SLC4A5: variants seen among roughly 807,000 people sequenced by gnomAD.
The protein encoded by SLC4A5 is solute carrier family 4 member 5.
In SLC4A5, 96 loss-of-function variants were observed where a neutral mutation model predicts 120.4. The observed-to-expected ratio is 0.80, with a 90% confidence interval of 0.68 to 0.94. The LOEUF is 0.94. Among genes scored for constraint, SLC4A5 ranks in the 40% least tolerant of loss-of-function variants. SLC4A5 has a pLI of 0.00. For missense variants in SLC4A5, 1,259 were observed against 1,459.5 expected, an observed-to-expected ratio of 0.86 and a Z score of 2.24; for synonymous variants, 550 against 571.1, an observed-to-expected ratio of 0.96 and a Z score of 0.53.
At chr2:74,303,854 T>A (rs10176141) in intron 7 of SLC4A5, among the ~76,000 whole-genome samples, 10,790 of 122,832 alleles carry the variant, frequency 0.088, 457 homozygotes, top group African/African-American at 0.15. Flanking sequence ...TATTATTATT[T>A]TTTTTTTTTT....
At chr2:74,239,832 C>T (rs914213886) in intron 20 of SLC4A5, among the ~76,000 whole-genome samples, 17 of 145,758 alleles carry the variant, frequency 1.2e-4, no homozygotes, top group Non-Finnish European at 1.5e-4. Context: ...GTCCTGTGGA[C>T]GCCTCCTTCC....
At chr2:74,262,159 C>A in exon 11 of SLC4A5, 1 of 1,613,892 alleles carries the variant, frequency 6.2e-7, no homozygotes, top group South Asian at 1.1e-5. Context: ...AATTTGCACT[C>A]TGCCGCATCC....
chr2:74,330,869 G>GGTGAGGGTGGT lies in SLC4A5; in HGVS notation c.-69-2684_-69-2683insACCACCCTCAC, dbSNP rs541588635. On this transcript the variant is annotated intron_variant, in intron 4 of 30. Transcript: ENST00000394019. Reference sequence around the variant, plus strand: ...GTGTAGGTGTAGGTGGTGAGGTATAGGAGGTGGTGAGGTCTAGATGTGGGT... The same window carrying GGTGAGGGTGGT: ...GTGTAGGTGTAGGTGGTGAGGTATAGGTGAGGGTGGTGAGGTGGTGAGGTCTAGATGTGGGT... 4.8e-5 allele frequency among the ~76,000 whole-genome samples: 2 copies of GGTGAGGGTGGT among 41,596 alleles called. 1 individual carries two copies. The allele number at this position is 41,596 out of a possible 152,430, so 27.3% of individuals were successfully genotyped here. A position where few individuals can be genotyped will look rare whatever the true frequency, so the allele number is the denominator to read the frequency against.
chr2:74,328,852 T>C (rs893319305), intron 4 of SLC4A5, among the ~76,000 whole-genome samples: 2 of 152,246 alleles, frequency 1.3e-5, no homozygotes, highest in African/African-American at 4.8e-5. Context: ...AGTCTGTACT[T>C]GTGGTCAATG....
chr2:74,226,935 G>C, intron 27 of SLC4A5, 22 bp downstream of exon 27: 1 of 1,606,840 alleles, frequency 6.2e-7, no homozygotes, highest in Non-Finnish European at 8.5e-7. Context: ...AGGCAGGAGG[G>C]GGAAGCCCGT....
intron 6 of SLC4A5, chr2:74,307,195 T>A (rs1672670262): frequency 5.5e-6 from 3 of 549,696 alleles, no homozygotes; most frequent in Admixed American, 4.7e-5. Flanking sequence ...CTCTCCTCCA[T>A]CTGCTGAGAG....
chr2:74,217,110 T>C (rs1313065191), exon 31 of SLC4A5: 4 of 152,238 alleles, frequency 2.6e-5, no homozygotes, highest in African/African-American at 9.6e-5. Context: ...GGCAATTACC[T>C]GTCCTATACT....
At chr2:74,252,371 A>T (rs766431224) in exon 16 of SLC4A5, 1 of 1,613,360 alleles carries the variant, frequency 6.2e-7, no homozygotes, top group African/African-American at 1.3e-5. Flanking sequence ...CAGCTCTGCT[A>T]GGGAGAACAC....
At chr2:74,250,418 T>G (rs528648007) in exon 17 of SLC4A5, 1 of 1,614,038 alleles carries the variant, frequency 6.2e-7, no homozygotes, top group Admixed American at 1.7e-5. Flanking sequence ...GGTAGATGAA[T>G]AGGATGGCAG....
intron 7 of SLC4A5, among the ~76,000 whole-genome samples, chr2:74,295,193 G>A (rs966165584): frequency 4.6e-5 from 7 of 151,928 alleles, no homozygotes; most frequent in Non-Finnish European, 7.4e-5. Flanking sequence ...AAGGAGATAC[G>A]AGGAGACTCA....
intron 17 of SLC4A5, among the ~76,000 whole-genome samples, chr2:74,249,300 G>A (rs1379477173): frequency 6.6e-6 from 1 of 152,166 alleles, no homozygotes; most frequent in Non-Finnish European, 1.5e-5. Flanking sequence ...AAGTAGATAA[G>A]TGGAAGCTGA....
At chr2:74,341,150 C>T (rs1673615560) in intron 2 of SLC4A5, among the ~76,000 whole-genome samples, 1 of 151,836 alleles carries the variant, frequency 6.6e-6, no homozygotes, top group Non-Finnish European at 1.5e-5. Context: ...ACTAAAAATA[C>T]AAAAATTAGT....
At chr2:74,243,325 G>A (rs1670506514) in intron 19 of SLC4A5, among the ~76,000 whole-genome samples, 2 of 152,212 alleles carry the variant, frequency 1.3e-5, no homozygotes, top group South Asian at 2.1e-4. Flanking sequence ...CCCATAGGAA[G>A]TCAGGCTTTG....
At chr2:74,254,959 A>G (rs372391214) in intron 13 of SLC4A5, among the ~76,000 whole-genome samples, 5 of 151,928 alleles carry the variant, frequency 3.3e-5, no homozygotes, top group East Asian at 3.9e-4. Flanking sequence ...AGCTGGGACT[A>G]CAGGCGTGTA....
intron 15 of SLC4A5, 151 bp downstream of exon 15, chr2:74,252,823 A>G: frequency 1.1e-6 from 1 of 922,066 alleles, no homozygotes; most frequent in Non-Finnish European, 1.6e-6. Context: ...CCTGGGCTCA[A>G]GTGATCCACC....
At position 74,255,781 on chromosome 2, in the gene SLC4A5, G is replaced by C; in HGVS notation, c.1019C>G (p.Pro340Arg). ...AGGTTTCAATGGCTCTCACCTGGTG[G>C]GGACAGGCACCTCGGTCACTCCTCC... The change falls in exon 13 of 31, where the codon CCC (proline) becomes CGC (arginine). Residue 340 changes from proline to arginine, a missense_variant. By Grantham distance (103) the Pro-to-Arg change is moderately radical. Transcript: ENST00000394019. The surrounding 1 kb of genome is among the most constrained non-coding windows in gnomAD (Gnocchi z 4.0). The C allele has an allele frequency of 6.2e-7, 1 of 1,614,144 alleles. No individual in the cohort carries two copies. Among genetic ancestry groups the C allele is most frequent in the Non-Finnish European group, 8.5e-7 (1 of 1,180,022 alleles).
chr2:74,285,885 G>T (rs764048495), exon 8 of SLC4A5: 2 of 1,606,374 alleles, frequency 1.2e-6, no homozygotes, highest in East Asian at 4.5e-5. Context: ...TCCTGGAGCT[G>T]CTCAGCAGCT....
intron 4 of SLC4A5, among the ~76,000 whole-genome samples, chr2:74,332,511 T>C (rs1030157168): frequency 3.3e-5 from 5 of 152,316 alleles, no homozygotes; most frequent in Admixed American, 2.0e-4. Context: ...CTGGACATCA[T>C]AATGAATCCT....
intron 10 of SLC4A5, 123 bp from the exon 11 acceptor site, chr2:74,262,355 A>T: frequency 1.8e-6 from 1 of 550,384 alleles, no homozygotes; most frequent in Non-Finnish European, 3.1e-6. Flanking sequence ...CCCTTCTGGG[A>T]AGAAATTCTT....
Sources: allele counts gnomAD v4.1 joint callset (sites outside exome capture counted in the v4.1 genomes callset), GRCh38; gene constraint gnomAD v4.1.1; non-coding constraint Gnocchi (gnomAD v3.1); transcripts MANE v1.5; gene names NCBI Gene and HGNC (gene_info 2026-07-23, HGNC 2026-07-21).